PLCL1: variants seen among roughly 807,000 people sequenced by gnomAD.
PLCL1 encodes phospholipase C like 1 (inactive).
In PLCL1, 41 loss-of-function variants were observed where a neutral mutation model predicts 84.4. The observed-to-expected ratio is 0.49, with a 90% CI of 0.38 to 0.63. PLCL1 has a LOEUF of 0.63. Among genes scored for constraint, PLCL1 ranks in the 30% least tolerant of loss-of-function variants. PLCL1 has a pLI of 0.00. For synonymous variants in PLCL1, 490 were observed against 488.3 expected (o/e 1.00, Z -0.05); for missense variants, 1,206 against 1,367.8 (o/e 0.88, Z 1.87).
chr2:198,119,976 G>T (rs189868098), intron 5 of PLCL1, among the ~76,000 whole-genome samples: 1 of 151,960 alleles, frequency 6.6e-6, no homozygotes, highest in Admixed American at 6.6e-5. Context: ...GATGTCCAAG[G>T]TCACTGTAGA....
chr2:198,113,812 G>A (rs918908290), intron 5 of PLCL1, among the ~76,000 whole-genome samples: 2 of 151,806 alleles, frequency 1.3e-5, no homozygotes, highest in African/African-American at 4.8e-5. Context: ...TGGCTAATTT[G>A]TTATTATATC....
intron 1 of PLCL1, among the ~76,000 whole-genome samples, chr2:198,014,656 A>G (rs1690949148): frequency 6.6e-6 from 1 of 152,136 alleles, no homozygotes; most frequent in South Asian, 2.1e-4. Context: ...ATAATATGCA[A>G]CAGCATCTGT....
intron 5 of PLCL1, among the ~76,000 whole-genome samples, chr2:198,111,231 T>C (rs1400363606): frequency 6.6e-6 from 1 of 151,858 alleles, no homozygotes; most frequent in African/African-American, 2.4e-5. Flanking sequence ...AGGTAAGTAA[T>C]GGTCACTCAG....
intron 1 of PLCL1, among the ~76,000 whole-genome samples, chr2:197,941,057 G>T (rs899607614): frequency 6.6e-6 from 1 of 152,064 alleles, no homozygotes; most frequent in Non-Finnish European, 1.5e-5. Flanking sequence ...GTTGCAGGGA[G>T]CCCATATCTT....
chr2:198,116,008 T>C (rs928079359), intron 5 of PLCL1, among the ~76,000 whole-genome samples: 1 of 147,934 alleles, frequency 6.8e-6, no homozygotes, highest in African/African-American at 2.5e-5. Context: ...TAGATACATA[T>C]AAATATATAA....
In PLCL1 at chr2:198,123,785, A is replaced by G. The variant is rs74487273; in HGVS notation, c.3105+19849A>G. On this transcript the variant is annotated intron_variant, in intron 5 of 5. Transcript: ENST00000428675. ...AGATTCTCATAGGAATGGGAAACCA[A>G]TTGTGAACTGTGCATGTGAGGAATC... 5.9e-3 allele frequency among the ~76,000 whole-genome samples: 901 copies of G among 152,166 alleles called. 8 individuals are homozygous for G. Among genetic ancestry groups the G allele is most frequent in the African/African-American group, 0.02 (813 of 41,528 alleles).
chr2:197,848,324 C>T (rs1311294971), intron 1 of PLCL1, among the ~76,000 whole-genome samples: 1 of 152,078 alleles, frequency 6.6e-6, no homozygotes, highest in African/African-American at 2.4e-5. Context: ...ACTAAGATTT[C>T]TGATAAGAAA....
At chr2:197,861,741 G>C (rs1687436853) in intron 1 of PLCL1, among the ~76,000 whole-genome samples, 1 of 152,138 alleles carries the variant, frequency 6.6e-6, no homozygotes, top group South Asian at 2.1e-4. Flanking sequence ...CTGCAGAAGT[G>C]ATTGCTTGCT....
At position 198,149,394 on chromosome 2, in the gene PLCL1, G is replaced by A. The variant is rs773249259; in HGVS notation, c.*2432G>A. 4.6e-5 allele frequency: 7 copies of A among 152,038 alleles called. No individual in the cohort carries two copies. The highest frequency in any genetic ancestry group is 2.1e-4 in the South Asian group (1 of 4,800). 9.4% of individuals were successfully genotyped at this position (152,038 alleles called of 1,614,324 possible). ...CAATAGGATCTGAGGTGGAGATGGC[G>A]GGTATTATCACTGGCATTTTACAGG... On this transcript the variant is annotated 3_prime_UTR_variant, in exon 6 of 6. Transcript: ENST00000428675.
intron 5 of PLCL1, among the ~76,000 whole-genome samples, chr2:198,134,826 G>A (rs1240552360): frequency 6.6e-6 from 1 of 152,158 alleles, no homozygotes; most frequent in Non-Finnish European, 1.5e-5. Context: ...ATCCAGCACT[G>A]TGGAGGTGGT....
At chr2:198,071,220 A>G (rs1219929329) in intron 1 of PLCL1, among the ~76,000 whole-genome samples, 1 of 151,556 alleles carries the variant, frequency 6.6e-6, no homozygotes, top group Non-Finnish European at 1.5e-5. Flanking sequence ...ACCATAATTT[A>G]TTTTGCCAGT....
At chr2:197,929,926 T>C (rs957361948) in intron 1 of PLCL1, among the ~76,000 whole-genome samples, 2 of 152,206 alleles carry the variant, frequency 1.3e-5, no homozygotes, top group Non-Finnish European at 2.9e-5. Flanking sequence ...AATCAAACAT[T>C]ACCTAAAGTT....
At position 198,084,177 on chromosome 2, in the gene PLCL1, C is replaced by T. The variant is rs111672088; in HGVS notation, c.660C>T (p.Tyr220=). 2.7e-5 allele frequency: 44 copies of T among 1,614,080 alleles called. No homozygotes were observed. In the African/African-American group the frequency reaches 3.3e-4, roughly 12 times the overall value. The change falls in exon 2 of 6, where the codon TAC becomes TAT. Residue 220 remains tyrosine, a synonymous_variant. Coordinates refer to ENST00000428675, the MANE Select transcript of PLCL1 (RefSeq NM_006226.4). ...VANIWVSGLR[Y]LVSRSKQPLD... ...ACATCTGGGTGTCTGGGTTACGGTACCTGGTTTCTCGAAGTAAGCAGCCTC... is the reference window on the plus strand; with the variant it reads ...ACATCTGGGTGTCTGGGTTACGGTATCTGGTTTCTCGAAGTAAGCAGCCTC...
At chr2:198,134,234 A>T (rs564686935) in intron 5 of PLCL1, among the ~76,000 whole-genome samples, 41 of 152,208 alleles carry the variant, frequency 2.7e-4, no homozygotes, top group African/African-American at 9.1e-4. Flanking sequence ...ATTAGAGAAA[A>T]TAGGTCTTGA....
At chr2:197,824,710 TC>T (rs1460216663) in intron 1 of PLCL1, among the ~76,000 whole-genome samples, 3 of 133,340 alleles carry the variant, frequency 2.2e-5, no homozygotes, top group Middle Eastern at 3.8e-3. Flanking sequence ...CGAGACCCTG[TC>T]TCAAAAAAAA....
At chr2:197,869,976 A>G (rs1687620082) in intron 1 of PLCL1, among the ~76,000 whole-genome samples, 1 of 152,142 alleles carries the variant, frequency 6.6e-6, no homozygotes. Context: ...GTTATTTATC[A>G]GAAATCTTAA....
intron 1 of PLCL1, among the ~76,000 whole-genome samples, chr2:198,024,768 A>AAAAC: frequency 6.6e-6 from 1 of 152,092 alleles, no homozygotes; most frequent in Non-Finnish European, 1.5e-5. Context: ...ATCTCAAAAA[A>AAAAC]AAAAAAACAA....
At chr2:197,863,962 A>G (rs908262910) in intron 1 of PLCL1, among the ~76,000 whole-genome samples, 6 of 152,182 alleles carry the variant, frequency 3.9e-5, no homozygotes, top group South Asian at 2.1e-4. Context: ...ACTCATAGAC[A>G]TGACAGCATT....
At chr2:198,049,460 A>G (rs552716211) in intron 1 of PLCL1, among the ~76,000 whole-genome samples, 56 of 152,272 alleles carry the variant, frequency 3.7e-4, no homozygotes, top group Admixed American at 2.0e-3. Context: ...GAAAAAGCAA[A>G]GGCAAGACCC....
Sources: allele counts gnomAD v4.1 joint callset (sites outside exome capture counted in the v4.1 genomes callset), GRCh38; gene constraint gnomAD v4.1.1; transcripts MANE v1.5; gene names NCBI Gene and HGNC (gene_info 2026-07-23, HGNC 2026-07-21).